Variants in BBS9 observed in about 807,000 individuals in gnomAD.
The protein encoded by BBS9 is Bardet-Biedl syndrome 9.
A neutral mutation model predicts 117.7 loss-of-function variants in BBS9; 89 were observed. That is an observed-to-expected ratio of 0.76 (90% CI 0.64 to 0.90). The LOEUF is 0.90. BBS9 is among the 40% of genes least tolerant of loss of function. The pLI is 0.00. For missense variants in BBS9, 982 were observed against 1,042.2 expected, an observed-to-expected ratio of 0.94 and a Z score of 0.80; for synonymous variants, 379 against 370.9, an observed-to-expected ratio of 1.02 and a Z score of -0.25.
At chr7:33,332,684 C>G (rs1488429846) in intron 9 of BBS9, among the ~76,000 whole-genome samples, 3 of 108,304 alleles carry the variant, frequency 2.8e-5, no homozygotes, top group African/African-American at 8.0e-5. Context: ...GTCAAAACAA[C>G]AACAACAACA....
At position 33,277,176 on chromosome 7, in the gene BBS9, G is replaced by A. The variant is rs116236965; in HGVS notation, c.1016+3220G>A. 2.7e-3 allele frequency: 420 copies of A among 157,022 alleles called. 1 individual carries two copies. The highest frequency in any genetic ancestry group is 9.8e-3 in the African/African-American group (409 of 41,642). 9.7% of individuals were successfully genotyped at this position (157,022 alleles called of 1,614,324 possible). Reference sequence around the variant, plus strand: ...AAGGGAAGAGTATGTTTACCCTGCAGAGGCCTGAGGAAGCCAGCGCTGACA... The same window carrying A: ...AAGGGAAGAGTATGTTTACCCTGCAAAGGCCTGAGGAAGCCAGCGCTGACA... On this transcript the variant is annotated intron_variant, in intron 9 of 22. Transcript: ENST00000242067.
chr7:33,168,169 G>A (rs1478098571), intron 4 of BBS9, among the ~76,000 whole-genome samples: 2 of 152,100 alleles, frequency 1.3e-5, no homozygotes, highest in South Asian at 2.1e-4. Flanking sequence ...GCCCTCTGTA[G>A]CATCCCAAAG....
chr7:33,441,835 A>G (rs571218996), intron 19 of BBS9, among the ~76,000 whole-genome samples: 1 of 151,668 alleles, frequency 6.6e-6, no homozygotes, highest in South Asian at 2.1e-4. Context: ...TTTATAGGTT[A>G]TCTCAAAGAT....
At chr7:33,257,050 T>C (rs564200209) in intron 5 of BBS9, among the ~76,000 whole-genome samples, 186 bp from the exon 6 acceptor site, 4 of 152,266 alleles carry the variant, frequency 2.6e-5, no homozygotes, top group Admixed American at 1.3e-4. Context: ...TCAGAATTAG[T>C]TTATAGTTGA....
chr7:33,401,843 C>G (rs938710808), intron 19 of BBS9, among the ~76,000 whole-genome samples: 4 of 152,100 alleles, frequency 2.6e-5, no homozygotes, highest in African/African-American at 9.7e-5. Flanking sequence ...TTTTCCCCCA[C>G]AAGAGACAGC....
Position 33,336,462 on chromosome 7 carries a change from C to G in BBS9, c.1038C>G (p.Val346=). The G allele has an allele frequency of 6.2e-7, 1 of 1,613,688 alleles. No homozygotes were observed. Among genetic ancestry groups the G allele is most frequent in the Non-Finnish European group, 8.5e-7 (1 of 1,179,722 alleles). The change falls in exon 10 of 23, where the codon GTC becomes GTG. Residue 346 remains valine (V), a synonymous_variant. Transcript: ENST00000242067. ...GCLHDLKGVI[V]TLSDDGHLQC... ...GTAGTGATTTAAAGGGAGTGATAGT[C>G]ACTCTGAGTGATGATGGTCACTTGC...
intron 21 of BBS9, among the ~76,000 whole-genome samples, chr7:33,620,083 G>A (rs1019528569): frequency 1.3e-5 from 2 of 151,672 alleles, no homozygotes; most frequent in Non-Finnish European, 2.9e-5. Context: ...ACAAAATAAT[G>A]CAAACCTTTA....
chr7:33,222,135 A>G (rs1053352293), intron 5 of BBS9, among the ~76,000 whole-genome samples: 1 of 152,194 alleles, frequency 6.6e-6, no homozygotes, highest in Non-Finnish European at 1.5e-5. Context: ...TGAAACTTTT[A>G]AATTTCATGT....
chr7:33,505,318 C>CT, intron 19 of BBS9, 145 bp from the exon 20 acceptor site: 1 of 846,588 alleles, frequency 1.2e-6, no homozygotes, highest in Non-Finnish European at 2.0e-6. Flanking sequence ...AATGATAACT[C>CT]TTTTATTACT....
chr7:33,183,458 G>A (rs936841553), intron 5 of BBS9, among the ~76,000 whole-genome samples: 1 of 151,988 alleles, frequency 6.6e-6, no homozygotes, highest in African/African-American at 2.4e-5. Context: ...TAACCATAGT[G>A]CTCCTTAAAA....
chr7:33,595,504 A>AGAAT (rs1862596836), intron 21 of BBS9, among the ~76,000 whole-genome samples: 2 of 152,216 alleles, frequency 1.3e-5, no homozygotes, highest in South Asian at 4.1e-4. Context: ...TACACCAGTC[A>AGAAT]GAATGGCAAT....
intron 19 of BBS9, among the ~76,000 whole-genome samples, chr7:33,486,876 T>A (rs1467176720): frequency 6.6e-6 from 1 of 152,226 alleles, no homozygotes; most frequent in Non-Finnish European, 1.5e-5. Context: ...CCAGTGCTGA[T>A]ACACAGCAAA....
At chr7:33,265,224 A>G (rs1009993946) in intron 7 of BBS9, among the ~76,000 whole-genome samples, 3 of 152,198 alleles carry the variant, frequency 2.0e-5, no homozygotes, top group East Asian at 3.8e-4. Context: ...ACATAACAGT[A>G]TTGGAGAAGA....
At chr7:33,257,173 T>C in intron 5 of BBS9, 63 bp from the exon 6 acceptor site, 1 of 1,157,162 alleles carries the variant, frequency 8.6e-7, no homozygotes, top group Non-Finnish European at 1.2e-6. Flanking sequence ...TAGATAGTGA[T>C]TAATAAAAAT....
chr7:33,259,786 C>T (rs1404366576), intron 6 of BBS9, among the ~76,000 whole-genome samples: 2 of 152,000 alleles, frequency 1.3e-5, no homozygotes, highest in African/African-American at 4.8e-5. Context: ...CTTTGCCTTG[C>T]AGAATTATTT....
At chr7:33,483,413 G>A (rs1449680205) in intron 19 of BBS9, among the ~76,000 whole-genome samples, 1 of 152,106 alleles carries the variant, frequency 6.6e-6, no homozygotes, top group Non-Finnish European at 1.5e-5. Flanking sequence ...TTACCTTAGT[G>A]CCTTCACTGG....
intron 19 of BBS9, among the ~76,000 whole-genome samples, chr7:33,416,889 G>A (rs932840224): frequency 6.6e-6 from 1 of 152,134 alleles, no homozygotes; most frequent in Admixed American, 6.5e-5. Context: ...GAAAAGCACA[G>A]GGACATTTGC....
chr7:33,195,778 A>G (rs191633188), intron 5 of BBS9, among the ~76,000 whole-genome samples: 199 of 151,938 alleles, frequency 1.3e-3, no homozygotes, highest in African/African-American at 4.5e-3. Flanking sequence ...AATTCTTCCA[A>G]TTTTTCTACT....
At chr7:33,332,768 A>G (rs1013305556) in intron 9 of BBS9, among the ~76,000 whole-genome samples, 3 of 152,320 alleles carry the variant, frequency 2.0e-5, no homozygotes, top group Non-Finnish European at 2.9e-5. Context: ...ATTACATACT[A>G]TATTATCATT....
Sources: allele counts gnomAD v4.1 joint callset (sites outside exome capture counted in the v4.1 genomes callset), GRCh38; gene constraint gnomAD v4.1.1; transcripts MANE v1.5; gene names NCBI Gene and HGNC (gene_info 2026-07-23, HGNC 2026-07-21).